Variants in UNC13C observed in about 807,000 individuals in gnomAD.
The protein encoded by UNC13C is protein unc-13 homolog C.
Under a neutral mutation model 245.4 loss-of-function variants are expected in UNC13C, and 174 were observed. The ratio of observed to expected loss-of-function variants is 0.71; its 90% confidence interval spans 0.63 to 0.80. The LOEUF (loss-of-function observed/expected upper bound fraction) is 0.80, where lower values mean the gene tolerates loss of function less well. Among genes scored for constraint, UNC13C ranks in the 30% least tolerant of loss-of-function variants. The pLI is 0.00. For synonymous variants in UNC13C, 992 were observed against 895.1 expected (o/e 1.11, Z -1.93); for missense variants, 2,829 against 2,602.9 (o/e 1.09, Z -1.89).
At chr15:54,448,475 A>G (rs1478078874) in intron 19 of UNC13C, among the ~76,000 whole-genome samples, 3 of 152,184 alleles carry the variant, frequency 2.0e-5, no homozygotes, top group South Asian at 4.1e-4. Context: ...GGGTGCATAT[A>G]TATTTAGGAT....
intron 27 of UNC13C, among the ~76,000 whole-genome samples, chr15:54,547,793 C>T (rs1896550585): frequency 6.6e-6 from 1 of 151,682 alleles, no homozygotes; most frequent in Non-Finnish European, 1.5e-5. Flanking sequence ...TTCTAAGTCA[C>T]ATTTATAAAT....
At chr15:54,050,247 C>T in intron 2 of UNC13C, 1 of 542,036 alleles carries the variant, frequency 1.8e-6, no homozygotes, top group Admixed American at 1.9e-5. Flanking sequence ...TCTGGTATTA[C>T]AGGCGTGAGC....
At chr15:54,412,743 G>C (rs1458513986) in intron 18 of UNC13C, among the ~76,000 whole-genome samples, 1 of 152,098 alleles carries the variant, frequency 6.6e-6, no homozygotes. Context: ...TCTGTGAAAA[G>C]TCTTATTTCT....
At chr15:54,404,313 T>C (rs1163972654) in intron 18 of UNC13C, among the ~76,000 whole-genome samples, 13 of 152,188 alleles carry the variant, frequency 8.5e-5, no homozygotes, top group Admixed American at 8.5e-4. Context: ...GAATCAGTAT[T>C]ATCAAATTTG....
intron 7 of UNC13C, among the ~76,000 whole-genome samples, chr15:54,245,121 C>T (rs1000741133): frequency 2.6e-5 from 4 of 152,054 alleles, no homozygotes; most frequent in African/African-American, 9.7e-5. Flanking sequence ...GCTAAAGTTT[C>T]CCCCAGTGTA....
chr15:53,954,570 A>G, the UNC13C span, among the ~76,000 whole-genome samples: 1 of 152,172 alleles, frequency 6.6e-6, no homozygotes, highest in Non-Finnish European at 1.5e-5. Context: ...GAAATCCAAC[A>G]TTAGATGTCA....
chr15:53,942,016 A>G, the UNC13C span, among the ~76,000 whole-genome samples: 2,532 of 152,298 alleles, frequency 0.017, 108 homozygotes, highest in East Asian at 0.14. Flanking sequence ...AAGACCTAGA[A>G]CAAGAAATGC....
intron 22 of UNC13C, among the ~76,000 whole-genome samples, chr15:54,502,687 G>T (rs1442556336): frequency 1.3e-5 from 2 of 152,152 alleles, no homozygotes; most frequent in Non-Finnish European, 1.5e-5. Context: ...TCTGTAGGAT[G>T]TAGGGGAAGC....
chr15:54,114,594 C>A (rs2030090066), intron 2 of UNC13C, among the ~76,000 whole-genome samples: 1 of 152,134 alleles, frequency 6.6e-6, no homozygotes, highest in Non-Finnish European at 1.5e-5. Flanking sequence ...CATTCCCTAT[C>A]AATAGGCATT....
intron 26 of UNC13C, among the ~76,000 whole-genome samples, chr15:54,537,206 G>T (rs1007750509): frequency 4.0e-5 from 6 of 151,752 alleles, no homozygotes; most frequent in Admixed American, 6.6e-5. Flanking sequence ...GAGCCAAATC[G>T]AGAACACAGT....
intron 26 of UNC13C, 91 bp downstream of exon 26, chr15:54,533,157 G>GTAGCA: frequency 1.0e-6 from 1 of 980,534 alleles, no homozygotes; most frequent in Non-Finnish European, 1.5e-6. Context: ...TCTGTGTAAG[G>GTAGCA]TAGCATTAAA....
chr15:54,458,405 G>T (rs1891651245), intron 19 of UNC13C, among the ~76,000 whole-genome samples: 1 of 151,986 alleles, frequency 6.6e-6, no homozygotes, highest in African/African-American at 2.4e-5. Context: ...AAATCCATTT[G>T]TTCTAGGGTA....
At chr15:54,187,796 G>A (rs1469741585) in intron 4 of UNC13C, among the ~76,000 whole-genome samples, 1 of 151,844 alleles carries the variant, frequency 6.6e-6, no homozygotes, top group African/African-American at 2.4e-5. Context: ...GATTCACACT[G>A]TATGTTTTGT....
At chr15:54,231,499 G>C (rs201989369) in intron 4 of UNC13C, among the ~76,000 whole-genome samples, 1 of 139,148 alleles carries the variant, frequency 7.2e-6, no homozygotes. Flanking sequence ...GAAGGATTCT[G>C]TCTTCATTTT....
At chr15:54,629,571 G>A (rs558521812), downstream of UNC13C, 35 of 149,796 alleles carry the variant, frequency 2.3e-4, no homozygotes, top group African/African-American at 8.6e-4. Flanking sequence ...ATACCGTTTA[G>A]TCCCATGAAC....
intron 29 of UNC13C, among the ~76,000 whole-genome samples, chr15:54,563,063 C>G (rs1404063583): frequency 6.6e-6 from 1 of 151,994 alleles, no homozygotes; most frequent in East Asian, 1.9e-4. Context: ...CCACATCACC[C>G]CTATTCTGTA....
intron 2 of UNC13C, among the ~76,000 whole-genome samples, chr15:54,130,267 C>T (rs1049948165): frequency 1.4e-5 from 2 of 146,052 alleles, no homozygotes; most frequent in Non-Finnish European, 3.0e-5. Flanking sequence ...GAGGCTTCTT[C>T]GTGGCCAGGT....
At chr15:53,884,570 A>C in the UNC13C span, among the ~76,000 whole-genome samples, 8 of 152,104 alleles carry the variant, frequency 5.3e-5, no homozygotes, top group African/African-American at 1.9e-4. Flanking sequence ...TCTGGCCTGA[A>C]GCAATTTTCC....
chr15:54,088,454 A>G (rs562320317), intron 2 of UNC13C, among the ~76,000 whole-genome samples: 2 of 152,290 alleles, frequency 1.3e-5, no homozygotes, highest in African/African-American at 4.8e-5. Flanking sequence ...TTATAGATGC[A>G]CTTCCAGACA....
Sources: allele counts gnomAD v4.1 joint callset (sites outside exome capture counted in the v4.1 genomes callset), GRCh38; gene constraint gnomAD v4.1.1; transcripts MANE v1.5; gene names NCBI Gene and HGNC (gene_info 2026-07-23, HGNC 2026-07-21).